Variants in LNX2 observed in about 807,000 individuals in gnomAD.
The protein encoded by LNX2 is ligand of Numb protein X 2.
Under a neutral mutation model 66.2 loss-of-function variants are expected in LNX2, and 35 were observed. The ratio of observed to expected loss-of-function variants is 0.53; its 90% CI spans 0.40 to 0.70. LNX2 has a LOEUF of 0.70. LNX2 is among the 30% of genes least tolerant of loss of function. The pLI is 0.00. For missense variants in LNX2, 791 were observed against 850.8 expected, an observed-to-expected ratio of 0.93 and a Z score of 0.87; for synonymous variants, 337 against 315.6, an observed-to-expected ratio of 1.07 and a Z score of -0.72.
chr13:27,613,130 CAG>C (rs1275984378), intron 1 of LNX2, among the ~76,000 whole-genome samples: 2 of 152,098 alleles, frequency 1.3e-5, no homozygotes, highest in East Asian at 3.9e-4. Flanking sequence ...TTAATCTGAA[CAG>C]GGGCGTTATC....
At chr13:27,575,655 G>C (rs1288558008) in intron 2 of LNX2, among the ~76,000 whole-genome samples, 1 of 152,122 alleles carries the variant, frequency 6.6e-6, no homozygotes, top group Non-Finnish European at 1.5e-5. Flanking sequence ...TGGGTTGCCA[G>C]CGTGCAGAGA....
rs1555268514 is a variant in LNX2, at chr13:27,583,255, T to TGTGTGTGTGCGC, written c.-100-1453_-100-1452insGCGCACACACAC. On this transcript the variant is annotated intron_variant, in intron 1 of 9. Coordinates refer to ENST00000316334, the MANE Select transcript of LNX2 (RefSeq NM_153371.4). ...GTGTGTGTGTGTGTGTGTGTGTGTG[T>TGTGTGTGTGCGC]GCGCGCGTCCTCTCCAACATACTTA... 1.5e-4 allele frequency among the ~76,000 whole-genome samples: 9 copies of TGTGTGTGTGCGC among 58,528 alleles called. 1 individual carries two copies. The highest frequency in any genetic ancestry group is 2.2e-4 in the Non-Finnish European group (7 of 31,250). 38.4% of individuals were successfully genotyped at this position (58,528 alleles called of 152,430 possible). A position where few individuals can be genotyped will look rare whatever the true frequency, so the allele number is the denominator to read the frequency against.
chr13:27,571,135 G>T (rs1234331446), intron 2 of LNX2, among the ~76,000 whole-genome samples: 2 of 152,082 alleles, frequency 1.3e-5, no homozygotes, highest in East Asian at 3.9e-4. Flanking sequence ...TGAACCTTTG[G>T]GAAAACCCAT....
chr13:27,580,753 T>G (rs1422734933), intron 2 of LNX2, among the ~76,000 whole-genome samples: 1 of 152,198 alleles, frequency 6.6e-6, no homozygotes, highest in Middle Eastern at 3.2e-3. Flanking sequence ...TATTTCCATA[T>G]TGCAACAAAA....
At chr13:27,597,253 T>C (rs111377102) in intron 1 of LNX2, among the ~76,000 whole-genome samples, 7 of 152,228 alleles carry the variant, frequency 4.6e-5, no homozygotes, top group African/African-American at 1.7e-4. Context: ...CTATGACATA[T>C]AGGAGAGGCA....
rs568478506 is a variant in LNX2 at position 27,588,083 on chromosome 13, C to T, written c.-100-6280G>A. On this transcript the variant is annotated intron_variant, in intron 1 of 9. Transcript: ENST00000316334. ...TGTCAAACTTGTTTGACTTCAGAAC[C>T]CTTTTATCCACTCTGGACAAGTTTG... Among the ~76,000 whole-genome samples the T allele has an allele frequency of 3.3e-5, 5 of 149,840 alleles. No homozygotes were observed. In the South Asian group the frequency reaches 1.1e-3, roughly 32 times the overall value.
chr13:27,620,638 G>A (rs889031664), upstream of LNX2: 4 of 153,974 alleles, frequency 2.6e-5, no homozygotes, highest in African/African-American at 9.6e-5. Flanking sequence ...CCAATCGGAG[G>A]TAGCACAGGG....
At chr13:27,608,715 C>A (rs1335840868) in intron 1 of LNX2, among the ~76,000 whole-genome samples, 1 of 151,882 alleles carries the variant, frequency 6.6e-6, no homozygotes, top group East Asian at 1.9e-4. Context: ...TAAAATATTA[C>A]TTTTAAGAAT....
intron 1 of LNX2, among the ~76,000 whole-genome samples, chr13:27,599,133 G>A (rs755450595): frequency 6.6e-5 from 10 of 152,220 alleles, no homozygotes; most frequent in Middle Eastern, 6.8e-3. Flanking sequence ...ACACAAAACT[G>A]AATAGCATCT....
chr13:27,613,733 A>C (rs1021149510), intron 1 of LNX2, among the ~76,000 whole-genome samples: 1 of 152,152 alleles, frequency 6.6e-6, no homozygotes, highest in Non-Finnish European at 1.5e-5. Context: ...GTGCCACTGC[A>C]CTCCAGCCTG....
chr13:27,608,778 G>A (rs890014456), intron 1 of LNX2, among the ~76,000 whole-genome samples: 2 of 128,148 alleles, frequency 1.6e-5, no homozygotes, highest in African/African-American at 5.7e-5. Context: ...AGTGTACTTA[G>A]AGAGCAATTT....
chr13:27,617,478 T>C (rs1039152398), intron 1 of LNX2, among the ~76,000 whole-genome samples: 2 of 152,072 alleles, frequency 1.3e-5, no homozygotes, highest in African/African-American at 4.8e-5. Flanking sequence ...CGGGTGGCAA[T>C]TGTAAAGGAA....
At chr13:27,550,540 T>G in intron 8 of LNX2, 49 bp from the exon 9 acceptor site, 1 of 1,459,332 alleles carries the variant, frequency 6.9e-7, no homozygotes, top group African/African-American at 1.4e-5. Context: ...GAGGCTTTTA[T>G]AGCCGCTTAT....
chr13:27,578,361 C>A (rs58962191), intron 2 of LNX2, among the ~76,000 whole-genome samples: 3,396 of 152,232 alleles, frequency 0.022, 137 homozygotes, highest in African/African-American at 0.077. Context: ...ACAGACTTAC[C>A]AATTTCTAAC....
chr13:27,571,719 A>G (rs964791955), intron 2 of LNX2, among the ~76,000 whole-genome samples: 1 of 152,234 alleles, frequency 6.6e-6, no homozygotes, highest in Non-Finnish European at 1.5e-5. Flanking sequence ...TATTTTAAAA[A>G]AAGTATTAGG....
chr13:27,612,010 A>T (rs565497170), intron 1 of LNX2, among the ~76,000 whole-genome samples: 2 of 152,220 alleles, frequency 1.3e-5, no homozygotes, highest in African/African-American at 4.8e-5. Context: ...CCTGAAGGAG[A>T]CTTGAAGAGA....
intron 1 of LNX2, among the ~76,000 whole-genome samples, chr13:27,599,868 T>G (rs1477740412): frequency 6.6e-6 from 1 of 152,180 alleles, no homozygotes; most frequent in South Asian, 2.1e-4. Context: ...TGGTTAACAA[T>G]GGCAGCAAAT....
chr13:27,560,180 G>A (rs1450389764), intron 5 of LNX2, among the ~76,000 whole-genome samples, 195 bp from the exon 6 acceptor site: 1 of 152,148 alleles, frequency 6.6e-6, no homozygotes, highest in Non-Finnish European at 1.5e-5. Context: ...AGCAGTTGAA[G>A]CACATACACA....
At position 27,562,556 on chromosome 13, in the gene LNX2, C is replaced by T. The variant is rs1955148277; in HGVS notation, c.1081G>A (p.Glu361Lys). The T allele has an allele frequency of 6.2e-7, 1 of 1,614,054 alleles. No homozygotes were observed. Among genetic ancestry groups the T allele is most frequent in the Non-Finnish European group, 8.5e-7 (1 of 1,180,030 alleles). ...AGGTCAAGAATAAAAACCCCTGGCTCATCTGTCCTTCGCACCAATTTAATG... is the reference window on the plus strand; with the variant it reads ...AGGTCAAGAATAAAAACCCCTGGCTTATCTGTCCTTCGCACCAATTTAATG... ...LGIKLVRRTD[E>K]PGVFILDLLE... Residue 361 changes from glutamate (E) to lysine (K), a missense_variant, in exon 5 of 10, where the codon GAG becomes AAG. Transcript: ENST00000316334.
Sources: allele counts gnomAD v4.1 joint callset (sites outside exome capture counted in the v4.1 genomes callset), GRCh38; gene constraint gnomAD v4.1.1; transcripts MANE v1.5; gene names NCBI Gene and HGNC (gene_info 2026-07-23, HGNC 2026-07-21).